CSMD1: variants seen among roughly 807,000 people sequenced by gnomAD.
CSMD1 encodes the protein CUB and Sushi multiple domains 1.
CSMD1 carries 213 observed loss-of-function variants against 417.5 expected under a neutral mutation model. The observed-to-expected ratio is 0.51, with a 90% confidence interval of 0.46 to 0.57. CSMD1 has a LOEUF of 0.57. Ranked by LOEUF, CSMD1 falls within the 20% of genes least tolerant of loss-of-function variation. The pLI, the probability that CSMD1 is intolerant of heterozygous loss-of-function variation, is 0.00. For synonymous variants in CSMD1, 2,862 were observed against 1,736.8 expected (o/e 1.65, Z -16.11); for missense variants, 6,923 against 4,529.7 (o/e 1.53, Z -15.17).
rs370029280 is a variant in CSMD1, at chr8:3,406,078, T to C, written c.2215A>G (p.Ile739Val). Residue 739 changes from isoleucine (I) to valine (V), a missense_variant, in exon 15 of 70, where the codon ATA becomes GTA. Physicochemically the swap from Ile to Val is conservative, Grantham distance 29. Coordinates refer to ENST00000635120, the MANE Select transcript of CSMD1 (RefSeq NM_033225.6). Reference protein sequence around the residue: ...KTQGSESITCILQDGNVVWSS... With the variant: ...KTQGSESITCVLQDGNVVWSS... ...CAGACCACGTTCCCGTCTTGCAGTA[T>C]GCAGGTAATGGACTCGGATCCCTGG... The C allele has an allele frequency of 8.7e-6, 14 of 1,613,830 alleles. No homozygotes were observed. The highest frequency in any genetic ancestry group is 1.1e-5 in the Non-Finnish European group (13 of 1,179,878).
chr8:3,583,339 G>C (rs919285607), intron 9 of CSMD1, among the ~76,000 whole-genome samples: 5 of 151,890 alleles, frequency 3.3e-5, no homozygotes, highest in Admixed American at 1.3e-4. Flanking sequence ...GAGCTGCATG[G>C]TTTTGGGGAG....
intron 1 of CSMD1, among the ~76,000 whole-genome samples, chr8:4,642,198 G>C (rs558996436): frequency 2.0e-5 from 3 of 152,300 alleles, no homozygotes; most frequent in Admixed American, 6.5e-5. Flanking sequence ...GTGAGCCATG[G>C]AGTTGATGGT....
chr8:3,376,156 G>A (rs944348089), intron 18 of CSMD1, among the ~76,000 whole-genome samples: 1 of 152,004 alleles, frequency 6.6e-6, no homozygotes, highest in Non-Finnish European at 1.5e-5. Context: ...CTTGTGGAGA[G>A]AGTAAACAGT....
chr8:4,376,653 GC>G (rs1264197314), intron 3 of CSMD1, among the ~76,000 whole-genome samples: 1 of 152,110 alleles, frequency 6.6e-6, no homozygotes, highest in Non-Finnish European at 1.5e-5. Flanking sequence ...GCATTCTATA[GC>G]CGTGCTCATA....
chr8:3,990,201 A>G (rs1348180059), intron 5 of CSMD1, among the ~76,000 whole-genome samples: 1 of 152,258 alleles, frequency 6.6e-6, no homozygotes, highest in African/African-American at 2.4e-5. Context: ...AAGTGTGATT[A>G]CAAACAACAG....
chr8:3,792,650 TG>T (rs1218631992), intron 5 of CSMD1, among the ~76,000 whole-genome samples: 2 of 152,146 alleles, frequency 1.3e-5, no homozygotes, highest in Non-Finnish European at 2.9e-5. Context: ...TCATTTGCCA[TG>T]TTACAGAAAA....
At chr8:4,557,756 C>G (rs567061105) in intron 2 of CSMD1, among the ~76,000 whole-genome samples, 5 of 150,186 alleles carry the variant, frequency 3.3e-5, no homozygotes, top group African/African-American at 1.2e-4. Context: ...AGGTGTTTGA[C>G]AGCATTAAGA....
chr8:3,267,465 T>G (rs1035159610), intron 26 of CSMD1, among the ~76,000 whole-genome samples: 12 of 152,158 alleles, frequency 7.9e-5, no homozygotes, highest in Non-Finnish European at 2.9e-5. Context: ...GCATGTACAC[T>G]GGTAAACAAG....
chr8:4,452,525 C>G (rs764117575), intron 2 of CSMD1, among the ~76,000 whole-genome samples: 5 of 152,102 alleles, frequency 3.3e-5, no homozygotes, highest in East Asian at 1.9e-4. Context: ...TTCATTAACT[C>G]AACAATTATA....
chr8:4,040,611 G>C (rs994529591), intron 3 of CSMD1, among the ~76,000 whole-genome samples: 1 of 152,166 alleles, frequency 6.6e-6, no homozygotes, highest in Non-Finnish European at 1.5e-5. Context: ...GGATTGGGGA[G>C]ACTTACGATG....
chr8:4,101,907 T>A lies in CSMD1; in HGVS notation c.416-69808A>T, dbSNP rs185696372. On this transcript the variant is annotated intron_variant, in intron 3 of 69. Transcript: ENST00000635120. ...TAACAACTACTATCTCTCCTAATAA[T>A]GTACAGCATTTTCCCAGTGGACTTG... Among the ~76,000 whole-genome samples, 8 of 152,294 alleles carry A rather than the reference T, an allele frequency of 5.3e-5. No individual in the cohort carries two copies. The East Asian group carries it at 1.5e-3, about 29-fold the overall frequency.
intron 3 of CSMD1, among the ~76,000 whole-genome samples, chr8:4,136,334 G>C (rs1714800): frequency 0.61 from 91,985 of 151,990 alleles, 28,700 homozygotes; most frequent in East Asian, 0.7. Context: ...TGATCTGTTA[G>C]TGATAATAAA....
chr8:4,139,117 C>CAGG (rs1803619904), intron 3 of CSMD1, among the ~76,000 whole-genome samples: 1 of 152,146 alleles, frequency 6.6e-6, no homozygotes, highest in East Asian at 1.9e-4. Context: ...ATGAAGACCC[C>CAGG]TGTGATTCTA....
At chr8:4,399,475 C>CT (rs1331618002) in intron 3 of CSMD1, among the ~76,000 whole-genome samples, 2 of 152,028 alleles carry the variant, frequency 1.3e-5, no homozygotes, top group African/African-American at 4.8e-5. Flanking sequence ...CTGGCTTTTC[C>CT]TCATGTTCAC....
intron 18 of CSMD1, among the ~76,000 whole-genome samples, chr8:3,376,886 G>A (rs1024712263): frequency 6.6e-6 from 1 of 152,130 alleles, no homozygotes; most frequent in African/African-American, 2.4e-5. Flanking sequence ...TGGGGTTTAA[G>A]AGATTGCTTA....
chr8:4,416,412 G>C (rs1257501178), intron 3 of CSMD1, among the ~76,000 whole-genome samples: 1 of 152,038 alleles, frequency 6.6e-6, no homozygotes, highest in Admixed American at 6.6e-5. Flanking sequence ...TGAAGTCCAT[G>C]TATGATTTCC....
intron 5 of CSMD1, among the ~76,000 whole-genome samples, chr8:3,847,598 G>A (rs924546820): frequency 6.6e-6 from 1 of 152,122 alleles, no homozygotes; most frequent in African/African-American, 2.4e-5. Flanking sequence ...ACTGGGGTAA[G>A]GGGTCCTTGA....
At chr8:3,306,521 C>CAGCT (rs1205106481) in intron 25 of CSMD1, among the ~76,000 whole-genome samples, 2 of 152,180 alleles carry the variant, frequency 1.3e-5, no homozygotes, top group African/African-American at 4.8e-5. Flanking sequence ...GGAGCTGAAG[C>CAGCT]AGCTGGGCTG....
At position 4,322,252 on chromosome 8, in the gene CSMD1, A is replaced by AT. The variant is rs1388513478; in HGVS notation, c.415+97700dup. ...GTAATTTTATTTGAAAACATACTGT[A>AT]TTTAAAATAGTTTAAACATAAGTGA... On this transcript the variant is annotated intron_variant, in intron 3 of 69. Coordinates refer to ENST00000635120, the MANE Select transcript of CSMD1 (RefSeq NM_033225.6). 4.6e-5 allele frequency among the ~76,000 whole-genome samples: 7 copies of AT among 152,300 alleles called. No individual in the cohort carries two copies. In the South Asian group the frequency reaches 1.4e-3, roughly 32 times the overall value.
Sources: allele counts gnomAD v4.1 joint callset (sites outside exome capture counted in the v4.1 genomes callset), GRCh38; gene constraint gnomAD v4.1.1; transcripts MANE v1.5; gene names NCBI Gene and HGNC (gene_info 2026-07-23, HGNC 2026-07-21).